The following ABCC11 variants were observed in gnomAD, a reference collection of about 807,000 sequenced individuals.
The protein encoded by ABCC11 is ATP-binding cassette sub-family C member 11.
Under a neutral mutation model 149.3 loss-of-function variants are expected in ABCC11, and 135 were observed. That is an observed-to-expected ratio of 0.90 (90% CI 0.79 to 1.04). The LOEUF (loss-of-function observed/expected upper bound fraction) is 1.04. Ranked by LOEUF, ABCC11 falls within the 50% of genes least tolerant of loss-of-function variation. The pLI is 0.00. For synonymous variants in ABCC11, 665 were observed against 671.4 expected (o/e 0.99, Z 0.15); for missense variants, 1,680 against 1,722.1 (o/e 0.98, Z 0.43).
chr16:48,167,718 T>C, intron 28 of ABCC11, 58 bp from the exon 29 acceptor site: 1 of 1,576,876 alleles, frequency 6.3e-7, no homozygotes, highest in African/African-American at 1.3e-5. Context: ...GACCTGGGTC[T>C]AGCCCTGGTT....
chr16:48,180,054 T>C lies in ABCC11; in HGVS notation c.3259-1368A>G, dbSNP rs548300466. ...ACTTTTCCTCCCATCCCTCAGTGTA[T>C]CACACCCTGCGGGCTGCCTTGCCAG... On this transcript the variant is annotated intron_variant, in intron 23 of 29. Transcript: ENST00000356608. 3.3e-5 allele frequency among the ~76,000 whole-genome samples: 5 copies of C among 152,254 alleles called. No homozygotes were observed. The South Asian group carries it at 8.3e-4, about 25-fold the overall frequency.
At chr16:48,182,050 TC>T (rs1313557147) in intron 23 of ABCC11, among the ~76,000 whole-genome samples, 1 of 152,126 alleles carries the variant, frequency 6.6e-6, no homozygotes, top group African/African-American at 2.4e-5. Flanking sequence ...GTTATTGCAC[TC>T]CCAGTGCATG....
intron 2 of ABCC11, among the ~76,000 whole-genome samples, chr16:48,231,393 G>A (rs1970406177): frequency 6.6e-6 from 1 of 151,974 alleles, no homozygotes; most frequent in South Asian, 2.1e-4. Flanking sequence ...TAGCTGGGTG[G>A]GGTGGCTCAT....
chr16:48,190,200 C>T (rs1400551964), intron 20 of ABCC11, among the ~76,000 whole-genome samples: 1 of 152,108 alleles, frequency 6.6e-6, no homozygotes, highest in African/African-American at 2.4e-5. Context: ...TGTCCATCTC[C>T]CCCATTAGAC....
chr16:48,240,433 C>A (rs1055895921), intron 1 of ABCC11, among the ~76,000 whole-genome samples: 1 of 152,058 alleles, frequency 6.6e-6, no homozygotes, highest in African/African-American at 2.4e-5. Flanking sequence ...ATCAGAAACC[C>A]AAACACTGCA....
rs754121234 is a variant in ABCC11, at chr16:48,214,919, T to G, written c.1210A>C (p.Ile404Leu). 2.5e-6 allele frequency: 4 copies of G among 1,614,032 alleles called. No homozygotes were observed. In the African/African-American group the frequency reaches 5.3e-5, roughly 22 times the overall value. The change falls in exon 9 of 30, where the codon ATC (isoleucine) becomes CTC (leucine). Residue 404 changes from isoleucine (I) to leucine (L), a missense_variant. Coordinates refer to ENST00000356608, the MANE Select transcript of ABCC11 (RefSeq NM_001370497.1). Reference protein sequence around the residue: ...PTVATAVWVLIHTSLKLKLTA... With the variant: ...PTVATAVWVLLHTSLKLKLTA... ...AGTTTCAGCTTTAAGGATGTGTGGA[T>G]GAGAACCCAGACCGCTGTGGCCACT... is the stretch of plus-strand genomic sequence containing the variant.
chr16:48,214,579 AT>A (rs1220954370), intron 9 of ABCC11, among the ~76,000 whole-genome samples: 1 of 152,142 alleles, frequency 6.6e-6, no homozygotes, highest in African/African-American at 2.4e-5. Context: ...TTATTTAGGG[AT>A]TAGAGGAACT....
At chr16:48,193,833 C>A in intron 19 of ABCC11, 46 bp downstream of exon 19, 1 of 1,502,466 alleles carries the variant, frequency 6.7e-7, no homozygotes, top group African/African-American at 1.4e-5. Context: ...CACCCCACCT[C>A]ACTCAAGCCC....
intron 23 of ABCC11, among the ~76,000 whole-genome samples, chr16:48,180,335 G>C (rs1285683895): frequency 6.6e-6 from 1 of 152,206 alleles, no homozygotes; most frequent in Non-Finnish European, 1.5e-5. Context: ...GTGACACTTG[G>C]GGCTGCAGCA....
At position 48,170,942 on chromosome 16, in the gene ABCC11, G is replaced by T. The variant is rs1261873200; in HGVS notation, c.3724C>A (p.His1242Asn). The T allele has an allele frequency of 1.2e-6, 2 of 1,613,902 alleles. No homozygotes were observed. The highest frequency in any genetic ancestry group is 4.5e-5 in the East Asian group (2 of 44,884). The change falls in exon 27 of 30, where the codon CAC (histidine) becomes AAC (asparagine). Residue 1242 changes from histidine to asparagine, a missense_variant. Physicochemically the swap from His to Asn is moderately conservative, Grantham distance 68 (BLOSUM62 1). Transcript: ENST00000356608. ...IRFNLDPFDR[H>N]TDQQIWDALE... ...GCATCCCAGATCTGCTGGTCAGTGTGACGGTCAAAGGGATCTAGGTTGAAT... is the reference window on the plus strand; with the variant it reads ...GCATCCCAGATCTGCTGGTCAGTGTTACGGTCAAAGGGATCTAGGTTGAAT...
chr16:48,232,613 G>A (rs1427772461), intron 1 of ABCC11, among the ~76,000 whole-genome samples: 1 of 152,080 alleles, frequency 6.6e-6, no homozygotes, highest in Admixed American at 6.6e-5. Flanking sequence ...CTCCCTGCTT[G>A]ACTCAGAATA....
intron 26 of ABCC11, among the ~76,000 whole-genome samples, chr16:48,172,866 C>T (rs879307884): frequency 7.2e-5 from 11 of 152,154 alleles, no homozygotes; most frequent in Non-Finnish European, 1.0e-4. Flanking sequence ...GACTTTACAC[C>T]CAGCAAGCTT....
chr16:48,240,707 C>T (rs73555628), intron 1 of ABCC11, among the ~76,000 whole-genome samples: 19,826 of 151,062 alleles, frequency 0.13, 1,607 homozygotes, highest in African/African-American at 0.24. Flanking sequence ...AAAGTAATTG[C>T]GGTTTCTTGC....
At chr16:48,176,708 C>T (rs940113272) in intron 25 of ABCC11, among the ~76,000 whole-genome samples, 2 of 152,156 alleles carry the variant, frequency 1.3e-5, no homozygotes, top group Non-Finnish European at 2.9e-5. Flanking sequence ...TCTTTATTTG[C>T]TGGTCTATTT....
chr16:48,191,847 G>A (rs1476420648), intron 20 of ABCC11, among the ~76,000 whole-genome samples: 2 of 151,938 alleles, frequency 1.3e-5, no homozygotes, highest in Non-Finnish European at 2.9e-5. Flanking sequence ...GGGGACGGGG[G>A]AGGGATAGCA....
intron 22 of ABCC11, 89 bp downstream of exon 22, chr16:48,186,858 TTGAAGA>T: frequency 6.8e-7 from 1 of 1,472,048 alleles, no homozygotes; most frequent in Non-Finnish European, 9.2e-7. Flanking sequence ...TCTGATGCTT[TTGAAGA>T]TGATGCCACT....
chr16:48,215,327 C>G lies in ABCC11; in HGVS notation c.969G>C (p.Met323Ile). The G allele has an allele frequency of 6.2e-7, 1 of 1,613,664 alleles. No homozygotes were observed. Among genetic ancestry groups the G allele is most frequent in the Non-Finnish European group, 8.5e-7 (1 of 1,179,668 alleles). ...ATGTGTGATGCTGAGCCTTCACAGC[C>G]ATTCTTGTCATGAATACCTGGAGTC... ...VFPLAVFMTR[M>I]AVKAQHHTSE... The change falls in exon 8 of 30, where the codon ATG (methionine) becomes ATC (isoleucine). Residue 323 changes from methionine to isoleucine, a missense_variant. Physicochemically the swap from Met to Ile is conservative, Grantham distance 10 (BLOSUM62 1). Coordinates refer to ENST00000356608, the MANE Select transcript of ABCC11 (RefSeq NM_001370497.1).
chr16:48,181,892 C>T (rs575492849), intron 23 of ABCC11, among the ~76,000 whole-genome samples: 4 of 152,206 alleles, frequency 2.6e-5, no homozygotes, highest in Non-Finnish European at 2.9e-5. Flanking sequence ...GGATTACAGG[C>T]GTGAGCCAAC....
At chr16:48,203,593 C>T (rs956238480) in intron 13 of ABCC11, among the ~76,000 whole-genome samples, 1 of 152,186 alleles carries the variant, frequency 6.6e-6, no homozygotes, top group African/African-American at 2.4e-5. Flanking sequence ...CTTGGCCAGG[C>T]ACGGTGGCTC....
Sources: gnomAD v4.1 joint callset for allele counts (sites outside exome capture counted in the v4.1 genomes callset) on GRCh38, gnomAD v4.1.1 for gene constraint, MANE v1.5 for transcripts, NCBI Gene and HGNC (gene_info 2026-07-23, HGNC 2026-07-21) for gene names.